The following BACH2 variants were observed in gnomAD, a reference collection of about 807,000 sequenced individuals.
The protein encoded by BACH2 is transcription regulator protein BACH2.
BACH2 carries 5 observed loss-of-function variants against 61.8 expected under a neutral mutation model. The observed-to-expected ratio is 0.08, with a 90% confidence interval of 0.04 to 0.17. The LOEUF is 0.17. BACH2 is among the 10% of genes least tolerant of loss of function. The pLI, the probability that BACH2 is intolerant of heterozygous loss-of-function variation, is 1.00. For missense variants in BACH2, 824 were observed against 1,091.1 expected, an observed-to-expected ratio of 0.76 and a Z score of 3.45; for synonymous variants, 446 against 440.1, an observed-to-expected ratio of 1.01 and a Z score of -0.17.
intron 5 of BACH2, among the ~76,000 whole-genome samples, chr6:90,023,609 G>C (rs1036407779): frequency 6.6e-6 from 1 of 152,054 alleles, no homozygotes; most frequent in East Asian, 1.9e-4. Context: ...CTAACACATG[G>C]AGTAAATGTG....
intron 3 of BACH2, among the ~76,000 whole-genome samples, chr6:90,217,099 G>C (rs1245551706): frequency 2.0e-5 from 3 of 152,146 alleles, no homozygotes; most frequent in Admixed American, 6.5e-5. Flanking sequence ...CTCCTTGAGC[G>C]AAGTAAAAGC....
chr6:89,970,381 T>C (rs1775291929), intron 6 of BACH2, among the ~76,000 whole-genome samples: 1 of 152,212 alleles, frequency 6.6e-6, no homozygotes, highest in Non-Finnish European at 1.5e-5. Flanking sequence ...TTAGAACACT[T>C]TATCTAGCAT....
intron 5 of BACH2, among the ~76,000 whole-genome samples, chr6:90,015,063 T>C (rs1777986467): frequency 6.6e-6 from 1 of 152,016 alleles, no homozygotes; most frequent in Non-Finnish European, 1.5e-5. Context: ...ATTACAGGCG[T>C]GAGCCACCAC....
intron 5 of BACH2, among the ~76,000 whole-genome samples, chr6:90,031,535 T>C (rs1261580016): frequency 6.6e-6 from 1 of 152,060 alleles, no homozygotes; most frequent in African/African-American, 2.4e-5. Context: ...TGTGCAAAAA[T>C]CATGAGCATT....
intron 1 of BACH2, among the ~76,000 whole-genome samples, chr6:90,275,213 T>A (rs577363387): frequency 9.0e-4 from 137 of 152,236 alleles, no homozygotes; most frequent in Non-Finnish European, 1.8e-3. Context: ...ACAAGTCACT[T>A]CTAAAACTTT....
intron 4 of BACH2, among the ~76,000 whole-genome samples, chr6:90,164,228 G>A (rs1330119483): frequency 6.6e-6 from 1 of 151,954 alleles, no homozygotes; most frequent in Non-Finnish European, 1.5e-5. Context: ...ATGATAAAGG[G>A]GATATCACCA....
chr6:90,201,217 G>A (rs576158704), intron 4 of BACH2, among the ~76,000 whole-genome samples: 1 of 152,220 alleles, frequency 6.6e-6, no homozygotes. Flanking sequence ...TCTAGAAATG[G>A]AAATTCTGGG....
intron 6 of BACH2, among the ~76,000 whole-genome samples, chr6:89,954,909 G>A (rs1360210737): frequency 1.3e-5 from 2 of 152,216 alleles, no homozygotes; most frequent in African/African-American, 2.4e-5. Context: ...AGGAAATGGT[G>A]TCCTCACCAT....
chr6:90,123,751 C>A (rs1783732890), intron 4 of BACH2, among the ~76,000 whole-genome samples: 1 of 106,774 alleles, frequency 9.4e-6, no homozygotes, highest in Non-Finnish European at 1.7e-5. Flanking sequence ...GCCTGGGCGA[C>A]AGAGCGAGAC....
rs2127898164 is a variant in BACH2 at position 90,296,504 on chromosome 6, T to G, written c.-470A>C. On this transcript the variant is annotated 5_prime_UTR_variant, in exon 1 of 9. Coordinates refer to ENST00000257749, the MANE Select transcript of BACH2 (RefSeq NM_021813.4). ...CCTCGCCGGAGAACTTTGCGTCCTT[T>G]TCCGCCTCCTCTTCCCCGCGTCTTC... is the stretch of plus-strand genomic sequence containing the variant. 1 of 151,370 alleles carries G rather than the reference T, an allele frequency of 6.6e-6. No individual in the cohort carries two copies. Among genetic ancestry groups the G allele is most frequent in the East Asian group, 2.0e-4 (1 of 5,110 alleles). The allele number at this position is 151,370 out of a possible 1,614,324, so 9.4% of individuals were successfully genotyped here.
chr6:90,045,667 T>C (rs1368587944), intron 5 of BACH2, among the ~76,000 whole-genome samples: 1 of 152,188 alleles, frequency 6.6e-6, no homozygotes, highest in Non-Finnish European at 1.5e-5. Flanking sequence ...TTTTGGTTAC[T>C]TCAAATATCA....
chr6:90,268,010 G>GT (rs751492686), intron 2 of BACH2, among the ~76,000 whole-genome samples: 48,193 of 132,770 alleles, frequency 0.36, 9,313 homozygotes, highest in Non-Finnish European at 0.45. Context: ...TGCCTTTTTT[G>GT]TTTTTTTTTT....
chr6:90,048,123 AT>A lies in BACH2; in HGVS notation c.-12-39268del, dbSNP rs111702545. Among the ~76,000 whole-genome samples the A allele has an allele frequency of 2.7e-4, 40 of 148,976 alleles. No individual in the cohort carries two copies. The East Asian group carries it at 3.1e-3, about 12-fold the overall frequency. On this transcript the variant is annotated intron_variant, in intron 5 of 8. Transcript: ENST00000257749. ...ATTAGTTTCAGGTCTAGGTCTTTCT[AT>A]TTTTTTTTTATTTATATATTTAGAG...
At chr6:90,214,836 A>G (rs1769478334) in intron 3 of BACH2, among the ~76,000 whole-genome samples, 1 of 137,146 alleles carries the variant, frequency 7.3e-6, no homozygotes, top group Admixed American at 9.0e-5. Flanking sequence ...ATCTTGGCTC[A>G]CTGAAGCCTC....
chr6:90,000,852 A>ACTGAG (rs1219670237), intron 6 of BACH2, among the ~76,000 whole-genome samples: 1 of 152,182 alleles, frequency 6.6e-6, no homozygotes, highest in Non-Finnish European at 1.5e-5. Flanking sequence ...AAGTGGGAGA[A>ACTGAG]CTGAGCTTGT....
chr6:90,248,694 G>C (rs1487926726), intron 3 of BACH2, among the ~76,000 whole-genome samples: 2 of 152,210 alleles, frequency 1.3e-5, no homozygotes, highest in Admixed American at 1.3e-4. Flanking sequence ...CCTGGTCACA[G>C]TGGTGGTATG....
chr6:90,133,385 T>G (rs980268388), intron 4 of BACH2, among the ~76,000 whole-genome samples: 42 of 152,268 alleles, frequency 2.8e-4, no homozygotes, highest in Admixed American at 1.3e-3. Context: ...TGCCAGCACA[T>G]CTTCAATGCT....
intron 4 of BACH2, among the ~76,000 whole-genome samples, chr6:90,091,966 G>T (rs77943450): frequency 0.064 from 9,660 of 151,934 alleles, 989 homozygotes; most frequent in African/African-American, 0.22. Flanking sequence ...CCACATTCAG[G>T]TATATGCCTA....
intron 4 of BACH2, among the ~76,000 whole-genome samples, chr6:90,181,630 C>A (rs930827413): frequency 6.6e-6 from 1 of 152,046 alleles, no homozygotes; most frequent in Non-Finnish European, 1.5e-5. Flanking sequence ...CAGTGAACTA[C>A]AATTGCACTG....
Sources: allele counts gnomAD v4.1 joint callset (sites outside exome capture counted in the v4.1 genomes callset), GRCh38; gene constraint gnomAD v4.1.1; transcripts MANE v1.5; gene names NCBI Gene and HGNC (gene_info 2026-07-23, HGNC 2026-07-21).